Variants in SPATA6L observed in about 807,000 individuals in gnomAD.
SPATA6L encodes the protein spermatogenesis associated 6 like.
Under a neutral mutation model 49.2 loss-of-function variants are expected in SPATA6L, and 68 were observed. The ratio of observed to expected loss-of-function variants is 1.38; its 90% CI spans 1.14 to 1.69. The LOEUF (loss-of-function observed/expected upper bound fraction) is 1.69, where lower values mean the gene tolerates loss of function less well. SPATA6L is among the 40% of genes most tolerant of loss of function. The pLI is 0.00. For missense variants in SPATA6L, 668 were observed against 464.3 expected (o/e 1.44, Z -4.03); for synonymous variants, 198 against 165.7 (o/e 1.19, Z -1.50).
chr9:4,605,978 G>T (rs1001591901), intron 9 of SPATA6L, among the ~76,000 whole-genome samples: 10 of 152,130 alleles, frequency 6.6e-5, no homozygotes, highest in African/African-American at 2.2e-4. Context: ...CCGAAGCAGG[G>T]CGAGGCATTG....
intron 2 of SPATA6L, among the ~76,000 whole-genome samples, chr9:4,658,217 T>C (rs1229577752): frequency 6.6e-6 from 1 of 152,166 alleles, no homozygotes. Flanking sequence ...AACTAATATA[T>C]CCATATCTAA....
chr9:4,601,696 T>C (rs547492280), intron 11 of SPATA6L, among the ~76,000 whole-genome samples: 93 of 152,228 alleles, frequency 6.1e-4, no homozygotes, highest in African/African-American at 2.1e-3. Context: ...GGACAGGAAT[T>C]GGTGCTGCCA....
chr9:4,591,546 C>T (rs1177989194), intron 13 of SPATA6L, among the ~76,000 whole-genome samples: 3 of 152,208 alleles, frequency 2.0e-5, no homozygotes, highest in Non-Finnish European at 2.9e-5. Context: ...CCATCCTCAA[C>T]ACCTGCTTCT....
downstream of SPATA6L, among the ~76,000 whole-genome samples, chr9:4,594,674 C>T (rs1822127918): frequency 6.6e-6 from 1 of 152,130 alleles, no homozygotes; most frequent in Non-Finnish European, 1.5e-5. Flanking sequence ...GTGGGAGCCC[C>T]TGAGTGAACA....
chr9:4,629,487 T>C (rs886571555), intron 4 of SPATA6L, among the ~76,000 whole-genome samples: 5 of 152,012 alleles, frequency 3.3e-5, no homozygotes, highest in Admixed American at 2.6e-4. Flanking sequence ...GGGCTATTAA[T>C]TGAACCCAGG....
intron 3 of SPATA6L, among the ~76,000 whole-genome samples, chr9:4,635,730 G>T (rs1232597946): frequency 6.6e-6 from 1 of 152,186 alleles, no homozygotes; most frequent in Non-Finnish European, 1.5e-5. Flanking sequence ...AGGCACTGAG[G>T]ATAGAACAGG....
intron 3 of SPATA6L, among the ~76,000 whole-genome samples, chr9:4,636,036 AT>A: frequency 6.6e-6 from 1 of 152,304 alleles, no homozygotes; most frequent in Non-Finnish European, 1.5e-5. Flanking sequence ...CTATTTTATA[AT>A]TGTCTGAGCC....
At chr9:4,626,606 C>T (rs940144458) in intron 5 of SPATA6L, 14 of 1,244,660 alleles carry the variant, frequency 1.1e-5, no homozygotes, top group Non-Finnish European at 1.5e-5. Flanking sequence ...CAGTGTTCCC[C>T]TTTTATCTTT....
chr9:4,604,044 G>T, intron 11 of SPATA6L, 135 bp downstream of exon 11: 1 of 588,596 alleles, frequency 1.7e-6, no homozygotes, highest in South Asian at 2.3e-5. Flanking sequence ...GAAGAACGCA[G>T]TTCTCAGGTC....
chr9:4,660,831 C>A (rs1221881803), intron 2 of SPATA6L, among the ~76,000 whole-genome samples: 5 of 152,190 alleles, frequency 3.3e-5, no homozygotes, highest in Non-Finnish European at 1.5e-5. Context: ...CACATATACA[C>A]CGTGGAATAC....
At chr9:4,614,469 A>G (rs974522420) in intron 9 of SPATA6L, among the ~76,000 whole-genome samples, 9 of 152,192 alleles carry the variant, frequency 5.9e-5, no homozygotes, top group African/African-American at 2.2e-4. Flanking sequence ...AAGAACACTG[A>G]GTGAGTGGAG....
chr9:4,598,930 C>T lies in SPATA6L; in HGVS notation c.*1881G>A, dbSNP rs576706602. 6.6e-6 allele frequency among the ~76,000 whole-genome samples: 1 copy of T among 152,306 alleles called. No individual in the cohort carries two copies. Among genetic ancestry groups the T allele is most frequent in the Non-Finnish European group, 1.5e-5 (1 of 68,026 alleles). On this transcript the variant is annotated 3_prime_UTR_variant, in exon 12 of 12. Coordinates refer to ENST00000682582, the MANE Select transcript of SPATA6L (RefSeq NM_001353486.2). The stretch of plus-strand genomic sequence containing the variant: ...TGGTTGTGATACAGGTTGAGTCTCC[C>T]TTATCTTCAGTGCTTGGGACTGACC...
Position 4,605,513 on chromosome 9 carries a change from GGATT to G in SPATA6L, c.996-77_996-74del. Reference sequence around the variant, plus strand: ...GGACACTTAAAGCACATGACGGTATGGATTGATATTTAAAACTTAATTATAATAA... The same window carrying G: ...GGACACTTAAAGCACATGACGGTATGGATATTTAAAACTTAATTATAATAA... On this transcript the variant is annotated intron_variant, in intron 9 of 11. Transcript: ENST00000682582. The G allele has an allele frequency of 3.1e-6, 3 of 976,292 alleles. No individual in the cohort carries two copies. In the South Asian group the frequency reaches 4.3e-5, roughly 14 times the overall value. The allele number at this position is 976,292 out of a possible 1,614,324, so 60.5% of individuals were successfully genotyped here. A position where few individuals can be genotyped will look rare whatever the true frequency, so the allele number is the denominator to read the frequency against.
intron 3 of SPATA6L, among the ~76,000 whole-genome samples, chr9:4,651,092 TC>T (rs1836745834): frequency 6.6e-6 from 1 of 151,882 alleles, no homozygotes; most frequent in Non-Finnish European, 1.5e-5. Context: ...AGCCTCAACC[TC>T]CCTGACTCAA....
chr9:4,621,120 T>A (rs928421378), intron 7 of SPATA6L, among the ~76,000 whole-genome samples: 1 of 152,154 alleles, frequency 6.6e-6, no homozygotes, highest in Non-Finnish European at 1.5e-5. Context: ...AGATAGAAAG[T>A]CCAGTACTAC....
Position 4,604,174 on chromosome 9 carries a change from A to G in SPATA6L, c.*1+5T>C. 1.9e-6 allele frequency: 3 copies of G among 1,600,122 alleles called. 1 individual carries two copies. In the South Asian group the frequency reaches 3.3e-5, roughly 18 times the overall value. Reference sequence around the variant, plus strand: ...CTTAAGCTGCTTACTTACATAAGACAGTACCTTAAAAATATCTCTGTTCAT... The same window carrying G: ...CTTAAGCTGCTTACTTACATAAGACGGTACCTTAAAAATATCTCTGTTCAT... On this transcript the variant is annotated splice_donor_5th_base_variant and intron_variant, in intron 11 of 11. Transcript: ENST00000682582.
chr9:4,618,927 T>C (rs1374174577), intron 7 of SPATA6L, 29 bp from the exon 8 acceptor site: 2 of 1,609,272 alleles, frequency 1.2e-6, no homozygotes, highest in Middle Eastern at 1.7e-4. Context: ...GGCATTTCAA[T>C]GACTCATTAT....
chr9:4,594,314 A>G (rs1271748330), downstream of SPATA6L, among the ~76,000 whole-genome samples: 4 of 152,024 alleles, frequency 2.6e-5, no homozygotes, highest in Non-Finnish European at 2.9e-5. Context: ...GGTTCATGCC[A>G]TTCTCCTGCC....
chr9:4,628,920 C>A, intron 5 of SPATA6L, 171 bp downstream of exon 5: 1 of 589,718 alleles, frequency 1.7e-6, no homozygotes, highest in Non-Finnish European at 3.0e-6. Context: ...TCTAATATGA[C>A]TGGCTGAGCA....
Sources: gnomAD v4.1 joint callset for allele counts (sites outside exome capture counted in the v4.1 genomes callset) on GRCh38, gnomAD v4.1.1 for gene constraint, MANE v1.5 for transcripts, NCBI Gene and HGNC (gene_info 2026-07-23, HGNC 2026-07-21) for gene names.